PCDH9: variants seen among roughly 807,000 people sequenced by gnomAD.
PCDH9 encodes protocadherin-9.
Under a neutral mutation model 70.6 loss-of-function variants are expected in PCDH9, and 24 were observed. The observed-to-expected ratio is 0.34, with a 90% CI of 0.25 to 0.48. The LOEUF (loss-of-function observed/expected upper bound fraction) is 0.48, where lower values mean the gene tolerates loss of function less well. Ranked by LOEUF, PCDH9 falls within the 20% of genes least tolerant of loss-of-function variation. PCDH9 has a pLI of 0.99. For synonymous variants in PCDH9, 562 were observed against 558.5 expected, an observed-to-expected ratio of 1.01 and a Z score of -0.09; for missense variants, 1,281 against 1,503.6, an observed-to-expected ratio of 0.85 and a Z score of 2.45.
At chr13:66,454,705 A>G (rs1958282726) in intron 4 of PCDH9, among the ~76,000 whole-genome samples, 3 of 152,226 alleles carry the variant, frequency 2.0e-5, no homozygotes, top group South Asian at 4.1e-4. Context: ...TGAAAAACAT[A>G]ATCTTTGCAT....
chr13:66,426,923 T>A (rs951973867), intron 4 of PCDH9, among the ~76,000 whole-genome samples: 5 of 151,620 alleles, frequency 3.3e-5, no homozygotes, highest in African/African-American at 1.2e-4. Context: ...GTATAATTAC[T>A]GCCTAGTTTA....
intron 4 of PCDH9, among the ~76,000 whole-genome samples, chr13:66,534,597 T>C (rs774725412): frequency 6.6e-6 from 1 of 152,128 alleles, no homozygotes; most frequent in African/African-American, 2.4e-5. Context: ...TTTCAACATA[T>C]AAATTTGGGG....
chr13:66,473,379 A>G (rs1958656420), intron 4 of PCDH9, among the ~76,000 whole-genome samples: 1 of 146,752 alleles, frequency 6.8e-6, no homozygotes. Context: ...CAATAAAGCT[A>G]TATGTTTTTT....
chr13:67,050,891 T>C (rs2085308321), intron 2 of PCDH9, among the ~76,000 whole-genome samples: 1 of 151,938 alleles, frequency 6.6e-6, no homozygotes, highest in Admixed American at 6.5e-5. Context: ...ATTGATTCAA[T>C]ATCACCCTAC....
chr13:66,910,845 G>C (rs1594247033), intron 2 of PCDH9, among the ~76,000 whole-genome samples: 1 of 152,078 alleles, frequency 6.6e-6, no homozygotes, highest in Admixed American at 6.5e-5. Context: ...AAATATCTTG[G>C]TTACTATAAA....
chr13:67,086,547 G>A (rs1179220718), intron 2 of PCDH9, among the ~76,000 whole-genome samples: 2 of 152,142 alleles, frequency 1.3e-5, no homozygotes, highest in Non-Finnish European at 2.9e-5. Context: ...AAAGATGAAA[G>A]TGCAACCAGG....
chr13:66,415,834 T>C (rs1957450635), intron 4 of PCDH9, among the ~76,000 whole-genome samples: 2 of 152,292 alleles, frequency 1.3e-5, no homozygotes, highest in East Asian at 1.9e-4. Flanking sequence ...AAAACTGGCA[T>C]AAATATGATT....
chr13:66,983,808 CG>C (rs934489390), intron 2 of PCDH9, among the ~76,000 whole-genome samples: 2 of 150,788 alleles, frequency 1.3e-5, no homozygotes, highest in African/African-American at 4.9e-5. Flanking sequence ...AGTACCCAAT[CG>C]TTTTTTTTGT....
intron 4 of PCDH9, among the ~76,000 whole-genome samples, chr13:66,464,462 A>G (rs1272336027): frequency 2.0e-5 from 3 of 151,924 alleles, no homozygotes; most frequent in East Asian, 1.9e-4. Context: ...TCTCCCTGCT[A>G]TGAGAGAACC....
intron 2 of PCDH9, among the ~76,000 whole-genome samples, chr13:67,089,475 A>G (rs917321724): frequency 6.6e-6 from 1 of 152,002 alleles, no homozygotes; most frequent in Non-Finnish European, 1.5e-5. Context: ...ACATGTACTT[A>G]TTTTTCCACA....
intron 2 of PCDH9, among the ~76,000 whole-genome samples, chr13:67,188,169 C>G (rs2088810752): frequency 6.6e-6 from 1 of 152,036 alleles, no homozygotes; most frequent in Admixed American, 6.6e-5. Context: ...GTGTCATATG[C>G]TTATCATGCG....
chr13:66,770,328 C>T (rs2079786931), intron 3 of PCDH9, among the ~76,000 whole-genome samples: 1 of 152,096 alleles, frequency 6.6e-6, no homozygotes, highest in Non-Finnish European at 1.5e-5. Context: ...ATCCATGTAA[C>T]CCAAAACCAC....
chr13:66,880,080 C>T (rs2081895898), intron 3 of PCDH9: 1 of 152,162 alleles, frequency 6.6e-6, no homozygotes. Context: ...AGAATAGCTG[C>T]AAAGCACTCA....
At chr13:66,594,408 T>A (rs757970068) in intron 4 of PCDH9, among the ~76,000 whole-genome samples, 2 of 151,794 alleles carry the variant, frequency 1.3e-5, no homozygotes, top group Non-Finnish European at 1.5e-5. Flanking sequence ...AAAATATTGA[T>A]GAGCCCAGAT....
chr13:66,590,645 T>C (rs374869326), intron 4 of PCDH9, among the ~76,000 whole-genome samples: 16 of 152,030 alleles, frequency 1.1e-4, no homozygotes, highest in East Asian at 3.9e-4. Context: ...TTGTTGAAAC[T>C]TGTTCTCAGT....
intron 3 of PCDH9, among the ~76,000 whole-genome samples, chr13:66,753,783 CTTT>C (rs1387832905): frequency 1.3e-5 from 2 of 152,102 alleles, no homozygotes; most frequent in Non-Finnish European, 2.9e-5. Context: ...TACTATACTT[CTTT>C]AAGTACTAGG....
At chr13:67,152,103 C>T (rs963326493) in intron 2 of PCDH9, among the ~76,000 whole-genome samples, 2 of 152,076 alleles carry the variant, frequency 1.3e-5, no homozygotes, top group Non-Finnish European at 2.9e-5. Flanking sequence ...TTTTTGTGTC[C>T]TATTTGTTCC....
At chr13:66,671,185 G>A (rs924215870) in intron 3 of PCDH9, among the ~76,000 whole-genome samples, 2 of 152,264 alleles carry the variant, frequency 1.3e-5, no homozygotes, top group East Asian at 1.9e-4. Flanking sequence ...CTTCTGCCAC[G>A]ATGGTGAGGC....
chr13:66,543,884 G>C (rs1285591366), intron 4 of PCDH9, among the ~76,000 whole-genome samples: 1 of 152,132 alleles, frequency 6.6e-6, no homozygotes, highest in African/African-American at 2.4e-5. Flanking sequence ...ATGCATTCTG[G>C]AAATGAACTT....
Sources: allele counts gnomAD v4.1 joint callset (sites outside exome capture counted in the v4.1 genomes callset), GRCh38; gene constraint gnomAD v4.1.1; transcripts MANE v1.5; gene names NCBI Gene and HGNC (gene_info 2026-07-23, HGNC 2026-07-21).